The following ZNF48 variants were observed in gnomAD, a reference collection of about 807,000 sequenced individuals.
ZNF48 encodes the protein zinc finger protein 553.
In ZNF48, 20 loss-of-function variants were observed where a neutral mutation model predicts 40.0. The observed-to-expected ratio is 0.50, with a 90% CI of 0.35 to 0.73. ZNF48 has a LOEUF of 0.73. ZNF48 is among the 30% of genes least tolerant of loss of function. The probability of loss-of-function intolerance (pLI) is 0.01; values close to 1 mark genes in which losing one functional copy is unlikely to be tolerated. For missense variants in ZNF48, 726 were observed against 851.9 expected, an observed-to-expected ratio of 0.85 and a Z score of 1.84; for synonymous variants, 298 against 329.7, an observed-to-expected ratio of 0.90 and a Z score of 1.04.
chr16:30,382,389 G>C lies in ZNF48; in HGVS notation c.-16+3979G>C. 6.3e-7 allele frequency: 1 copy of C among 1,592,648 alleles called. No homozygotes were observed. The highest frequency in any genetic ancestry group is 8.6e-7 in the Non-Finnish European group (1 of 1,165,824). On this transcript the variant is annotated intron_variant, in intron 1 of 2. Transcript: ENST00000528032. The surrounding 1 kb of genome is among the most constrained non-coding windows in gnomAD (Gnocchi z 4.8). The stretch of plus-strand genomic sequence containing the variant: ...TCCTATGGATGGGGGTGGACAATAT[G>C]AGGCTGCTGGCAATGGCAGGCAGGG...
upstream of ZNF48, chr16:30,395,160 G>C (rs1567432566): frequency 4.4e-6 from 2 of 453,546 alleles, no homozygotes; most frequent in East Asian, 7.0e-5. This position sits in a 1 kb window ranked among gnomAD's most constrained non-coding sequence, Gnocchi z 5.9. Flanking sequence ...CGGCCGGCCG[G>C]GGAGGTCGGC....
In ZNF48 at chr16:30,379,865, C is replaced by G. The variant is rs2049818752; in HGVS notation, c.-16+1455C>G. On this transcript the variant is annotated intron_variant, in intron 1 of 2. Transcript: ENST00000528032. ...CAGGGGATCCTCCCGTCTCAGCCTC[C>G]CAAAGTGCTGGGATTACAGACGTGA... 3.4e-6 allele frequency: 3 copies of G among 881,944 alleles called. No homozygotes were observed. The East Asian group carries it at 7.4e-5, about 22-fold the overall frequency. 54.6% of individuals were successfully genotyped at this position (881,944 alleles called of 1,614,324 possible).
chr16:30,380,936 A>G (rs759365216), intron 1 of ZNF48: 5 of 642,838 alleles, frequency 7.8e-6, no homozygotes, highest in Non-Finnish European at 1.4e-5. Context: ...GGGGCTGCAT[A>G]TGTAGCCTAT....
upstream of ZNF48, among the ~76,000 whole-genome samples, chr16:30,392,946 G>A (rs2049953455): frequency 6.6e-6 from 1 of 152,130 alleles, no homozygotes; most frequent in South Asian, 2.1e-4. Flanking sequence ...GTGATCAATA[G>A]GTATGTGTTG....
In ZNF48 at chr16:30,381,427, G is replaced by A. The variant is rs563689862; in HGVS notation, c.-16+3017G>A. On this transcript the variant is annotated intron_variant, in intron 1 of 2. Transcript: ENST00000528032. This position sits in a 1 kb window ranked among gnomAD's most constrained non-coding sequence, Gnocchi z 4.3. ...CGGTTCAGGCCACTCTCATCCCTAA[G>A]GTACTGCTCAAATTGCTCCTCGATG... The A allele has an allele frequency of 1.9e-5, 30 of 1,613,940 alleles. No individual in the cohort carries two copies. The highest frequency in any genetic ancestry group is 2.4e-5 in the Non-Finnish European group (28 of 1,180,040).
chr16:30,388,915 A>C (rs1026387166), intron 1 of ZNF48, among the ~76,000 whole-genome samples: 2 of 151,560 alleles, frequency 1.3e-5, no homozygotes, highest in East Asian at 3.9e-4. Context: ...AAAAATAAAA[A>C]TAAATAAAAA....
chr16:30,381,448 C>G lies in ZNF48; in HGVS notation c.-16+3038C>G, dbSNP rs368818440. 2 of 1,613,952 alleles carry G rather than the reference C, an allele frequency of 1.2e-6. No individual in the cohort carries two copies. Among genetic ancestry groups the G allele is most frequent in the South Asian group, 1.1e-5 (1 of 91,068 alleles). The stretch of plus-strand genomic sequence containing the variant: ...CTAAGGTACTGCTCAAATTGCTCCT[C>G]GATGAATTTCACCACCGGAAGCCAG... On this transcript the variant is annotated intron_variant, in intron 1 of 2. Transcript: ENST00000528032. This position sits in a 1 kb window ranked among gnomAD's most constrained non-coding sequence, Gnocchi z 4.3.
chr16:30,398,529 C>T lies in ZNF48; in HGVS notation c.1279C>T (p.Pro427Ser), dbSNP rs1444891141. Residue 427 changes from proline to serine, a missense_variant, in exon 3 of 3, where the codon CCT becomes TCT. Physicochemically the swap from Pro to Ser is moderately conservative, Grantham distance 74. Coordinates refer to ENST00000613509, the MANE Select transcript of ZNF48 (RefSeq NM_001214909.2). This position sits in a 1 kb window ranked among gnomAD's most constrained non-coding sequence, Gnocchi z 6.6. ...ACACTCGGGTGAGCCTTTTGGCCTG[C>T]CTGGCTTGGAGCCAGAGCCTGGGGG... ...PSHSGEPFGL[P>S]GLEPEPGGPQ... 1 of 1,604,120 alleles carries T rather than the reference C, an allele frequency of 6.2e-7. No homozygotes were observed. Among genetic ancestry groups the T allele is most frequent in the East Asian group, 2.2e-5 (1 of 44,786 alleles).
Position 30,399,491 on chromosome 16 carries a change from G to C in ZNF48, c.*384G>C, listed in dbSNP as rs2050030976. ...TACACACCTGTAATCCCAGCAGTTT[G>C]GGAGGCTGAGGTGGGAGAATCACTT... On this transcript the variant is annotated 3_prime_UTR_variant, in exon 3 of 3. Transcript: ENST00000613509. 2 of 163,682 alleles carry C rather than the reference G, an allele frequency of 1.2e-5. No individual in the cohort carries two copies. The highest frequency in any genetic ancestry group is 1.2e-4 in the Admixed American group (2 of 16,018). The allele number at this position is 163,682 out of a possible 1,614,324, so 10.1% of individuals were successfully genotyped here.
At position 30,397,168 on chromosome 16, in the gene ZNF48, T is replaced by TA. The variant is rs2049992560; in HGVS notation, c.80-161dup. On this transcript the variant is annotated intron_variant, in intron 2 of 2. Transcript: ENST00000613509. The surrounding 1 kb of genome is among the most constrained non-coding windows in gnomAD (Gnocchi z 4.1). Reference sequence around the variant, plus strand: ...TAAGGGCACAGTAAAAAGAAGTTTTTATTGAGAGGCACAGATAGTAAGTGC... The same window carrying TA: ...TAAGGGCACAGTAAAAAGAAGTTTTTAATTGAGAGGCACAGATAGTAAGTGC... Among the ~76,000 whole-genome samples, 1 of 152,124 alleles carries TA rather than the reference T, an allele frequency of 6.6e-6. No homozygotes were observed. Among genetic ancestry groups the TA allele is most frequent in the Non-Finnish European group, 1.5e-5 (1 of 68,026 alleles).
rs1254507483 is a variant in ZNF48, at chr16:30,384,661, G to A, written c.-16+6251G>A. On this transcript the variant is annotated intron_variant, in intron 1 of 2. Coordinates refer to the ZNF48 transcript ENST00000528032. ...GGAGGACAGGGCAGTCGGATCACTT[G>A]AGGCCAGGAGTTCGAGACCAGCCTG... Among the ~76,000 whole-genome samples the A allele has an allele frequency of 2.0e-5, 3 of 152,028 alleles. No individual in the cohort carries two copies. The East Asian group carries it at 5.8e-4, about 29-fold the overall frequency.
At position 30,399,711 on chromosome 16, in the gene ZNF48, T is replaced by G. The variant is rs1478935639; in HGVS notation, c.*604T>G. 2.0e-5 allele frequency: 3 copies of G among 152,714 alleles called. No homozygotes were observed. Among genetic ancestry groups the G allele is most frequent in the Non-Finnish European group, 2.9e-5 (2 of 68,464 alleles). The allele number at this position is 152,714 out of a possible 1,614,324, so 9.5% of individuals were successfully genotyped here. On this transcript the variant is annotated 3_prime_UTR_variant, in exon 3 of 3. Coordinates refer to ENST00000613509, the MANE Select transcript of ZNF48 (RefSeq NM_001214909.2). ...ATGGGGCAAATACTGCTGTGTGGCA[T>G]GGTGGTACCCACCCCTATGGAGGGG...
intron 1 of ZNF48, among the ~76,000 whole-genome samples, chr16:30,384,761 A>G (rs1229220133): frequency 6.6e-6 from 1 of 151,476 alleles, no homozygotes; most frequent in Non-Finnish European, 1.5e-5. Flanking sequence ...GCCTGTAATC[A>G]CAGCTACTAG....
upstream of ZNF48, chr16:30,394,918 C>T (rs1052729309): frequency 9.9e-5 from 32 of 322,104 alleles, 1 homozygote; most frequent in Admixed American, 1.1e-3. Context: ...CTAGCCTCTG[C>T]TCCTGCCTCG....
At chr16:30,378,464 C>G in intron 1 of ZNF48, 1 of 1,575,102 alleles carries the variant, frequency 6.3e-7, no homozygotes, top group Non-Finnish European at 8.6e-7. Flanking sequence ...CGCCCTGGGC[C>G]TGGCTCTGCT....
At chr16:30,392,070 T>C (rs937387175), upstream of ZNF48, among the ~76,000 whole-genome samples, 1 of 152,238 alleles carries the variant, frequency 6.6e-6, no homozygotes, top group Non-Finnish European at 1.5e-5. Flanking sequence ...TCGCCCAGGC[T>C]GGAGCGCAGT....
At chr16:30,389,841 T>G (rs1238395275) in intron 1 of ZNF48, among the ~76,000 whole-genome samples, 2 of 123,908 alleles carry the variant, frequency 1.6e-5, no homozygotes, top group African/African-American at 7.0e-5. Flanking sequence ...TTTTTTTTTT[T>G]TTTTTTTTTT....
intron 1 of ZNF48, among the ~76,000 whole-genome samples, chr16:30,388,249 C>T (rs1397584588): frequency 1.3e-5 from 2 of 152,142 alleles, no homozygotes; most frequent in Non-Finnish European, 2.9e-5. Context: ...GCTAGGATTA[C>T]AGGTGTGAGC....
upstream of ZNF48, chr16:30,394,471 A>C (rs562245345): frequency 6.6e-6 from 1 of 152,262 alleles, no homozygotes; most frequent in Non-Finnish European, 1.5e-5. Flanking sequence ...AGCTCCAGCC[A>C]GGGGCCCACC....
Sources: allele counts gnomAD v4.1 joint callset (sites outside exome capture counted in the v4.1 genomes callset), GRCh38; gene constraint gnomAD v4.1.1; non-coding constraint Gnocchi (gnomAD v3.1); transcripts MANE v1.5; gene names NCBI Gene and HGNC (gene_info 2026-07-23, HGNC 2026-07-21).